Variants in KATNAL2 observed in about 807,000 individuals in gnomAD.
KATNAL2 encodes katanin catalytic subunit A1 like 2, also known as katanin p60 ATPase-containing subunit A-like 2.
A neutral mutation model predicts 76.3 loss-of-function variants in KATNAL2; 52 were observed. The observed-to-expected ratio is 0.68, with a 90% CI of 0.55 to 0.86. KATNAL2 has a LOEUF of 0.86. Among genes scored for constraint, KATNAL2 ranks in the 40% least tolerant of loss-of-function variants. The pLI is 0.00. For missense variants in KATNAL2, 660 were observed against 668.9 expected, an observed-to-expected ratio of 0.99 and a Z score of 0.15; for synonymous variants, 243 against 244.2, an observed-to-expected ratio of 1.00 and a Z score of 0.05.
chr18:46,953,859 C>G (rs2059641868), intron 3 of KATNAL2, among the ~76,000 whole-genome samples: 1 of 152,124 alleles, frequency 6.6e-6, no homozygotes, highest in Non-Finnish European at 1.5e-5. Flanking sequence ...GTAGGATAAT[C>G]AGGTACCAGG....
chr18:47,099,355 A>G lies in KATNAL2; in HGVS notation c.1324A>G (p.Ser442Gly). The change falls in exon 16 of 18, where the codon AGC becomes GGC. Residue 442 changes from serine (S) to glycine (G), a missense_variant. Physicochemically the swap from Ser to Gly is moderately conservative, Grantham distance 56 (BLOSUM62 0). Coordinates refer to ENST00000683218, the MANE Select transcript of KATNAL2 (RefSeq NM_001387690.1). ...CCACTGGCTGCCTCCTGTGAGCAAG[A>G]GCAGGGCCTTGGAGCTGCACACAGA... Reference protein sequence around the residue: ...IYHWLPPVSKSRALELHTELE... With the variant: ...IYHWLPPVSKGRALELHTELE... 1 of 1,614,102 alleles carries G rather than the reference A, an allele frequency of 6.2e-7. No homozygotes were observed. Among genetic ancestry groups the G allele is most frequent in the Non-Finnish European group, 8.5e-7 (1 of 1,179,962 alleles).
rs1255686354 is a variant in KATNAL2 at position 46,962,319 on chromosome 18, C to A, written c.51+15396C>A. On this transcript the variant is annotated intron_variant, in intron 3 of 17. Transcript: ENST00000683218. ...CCGGCCTTTTCCCTAAAAGAAAACA[C>A]CAACAGCAACAAAACATTTTGCGTA... Among the ~76,000 whole-genome samples, 3 of 121,360 alleles carry A rather than the reference C, an allele frequency of 2.5e-5. No homozygotes were observed. In the Admixed American group the frequency reaches 2.5e-4, roughly 10 times the overall value. The allele number at this position is 121,360 out of a possible 152,430, so 79.6% of individuals were successfully genotyped here.
At chr18:46,968,811 TGCC>T in intron 3 of KATNAL2, 1 of 401,922 alleles carries the variant, frequency 2.5e-6, no homozygotes, top group Non-Finnish European at 4.1e-6. Flanking sequence ...CGGTTGCTGC[TGCC>T]GCCGCCGCTC....
chr18:47,066,847 TTATATATATATATATATATATATATATA>T (rs56018747), intron 10 of KATNAL2, among the ~76,000 whole-genome samples, 146 bp from the exon 11 acceptor site: 10 of 29,596 alleles, frequency 3.4e-4, no homozygotes, highest in Non-Finnish European at 3.9e-4. Flanking sequence ...ATATATGTGT[TTATATATATATATATATATATATATATA>T]TATATATATA....
chr18:46,958,829 G>A (rs1399088495), intron 3 of KATNAL2, among the ~76,000 whole-genome samples: 1 of 152,080 alleles, frequency 6.6e-6, no homozygotes, highest in Non-Finnish European at 1.5e-5. Context: ...AATGGTTTTT[G>A]GAAAACTGGA....
Position 46,943,378 on chromosome 18 carries a change from A to G in KATNAL2, c.-509-2679A>G, listed in dbSNP as rs146955472. On this transcript the variant is annotated intron_variant, in intron 1 of 17. Coordinates refer to ENST00000683218, the MANE Select transcript of KATNAL2 (RefSeq NM_001387690.1). ...GGCATTCTAAGTCACAGGATGAGAT[A>G]GGAGGTCAGCACAAGATACAGAACA... Among the ~76,000 whole-genome samples the G allele has an allele frequency of 9.0e-3, 1,366 of 152,322 alleles. 12 individuals carry two copies. The highest frequency in any genetic ancestry group is 0.013 in the Non-Finnish European group (884 of 68,012).
intron 3 of KATNAL2, among the ~76,000 whole-genome samples, chr18:46,948,723 C>T (rs901186212): frequency 2.8e-4 from 43 of 151,872 alleles, no homozygotes; most frequent in African/African-American, 1.0e-3. Context: ...CCACCATGCT[C>T]GGCCAAACTT....
chr18:46,939,349 A>G lies in KATNAL2; in HGVS notation c.-509-6708A>G, dbSNP rs948215418. On this transcript the variant is annotated intron_variant, in intron 1 of 17. Coordinates refer to ENST00000683218, the MANE Select transcript of KATNAL2 (RefSeq NM_001387690.1). ...CTGCATCTCACAATTAAAAAAAAAA[A>G]AAAGAAAAGAAAAGAATGATTTATT... Among the ~76,000 whole-genome samples, 10 of 152,112 alleles carry G rather than the reference A, an allele frequency of 6.6e-5. No homozygotes were observed. The East Asian group carries it at 9.7e-4, about 15-fold the overall frequency.
At chr18:47,066,847 T>TTTATATATA (rs1319765780) in intron 10 of KATNAL2, among the ~76,000 whole-genome samples, 174 bp from the exon 11 acceptor site, 25 of 29,564 alleles carry the variant, frequency 8.5e-4, no homozygotes, top group East Asian at 1.4e-3. Context: ...ATATATGTGT[T>TTTATATATA]TATATATATA....
chr18:46,932,673 CAAA>C (rs1162695359), intron 1 of KATNAL2, among the ~76,000 whole-genome samples: 3 of 42,852 alleles, frequency 7.0e-5, no homozygotes, highest in South Asian at 1.3e-3. Flanking sequence ...GACTCTGTCT[CAAA>C]AAAAAAAAAA....
intron 3 of KATNAL2, among the ~76,000 whole-genome samples, chr18:46,953,736 G>A (rs2059637356): frequency 6.7e-6 from 1 of 149,094 alleles, no homozygotes; most frequent in South Asian, 2.2e-4. Context: ...CAACCTAGGC[G>A]ACACATGGAG....
Position 47,066,847 on chromosome 18 carries a change from TTATATATATATATATATA to T in KATNAL2, c.727-145_727-128del, listed in dbSNP as rs56018747. The stretch of plus-strand genomic sequence containing the variant: ...CCAAAATTACAATGTATATATGTGT[TTATATATATATATATATA>T]TATATATATATATATATATATATAT... On this transcript the variant is annotated intron_variant, in intron 10 of 17. Transcript: ENST00000683218. Among the ~76,000 whole-genome samples, 146 of 29,598 alleles carry T rather than the reference TTATATATATATATATATA, an allele frequency of 4.9e-3. 1 individual carries two copies. In the East Asian group the frequency reaches 0.1, roughly 21 times the overall value. The allele number at this position is 29,598 out of a possible 152,430, so 19.4% of individuals were successfully genotyped here.
chr18:46,925,794 C>A (rs553400049), intron 1 of KATNAL2, among the ~76,000 whole-genome samples: 1 of 152,254 alleles, frequency 6.6e-6, no homozygotes, highest in Non-Finnish European at 1.5e-5. Flanking sequence ...GATTCAACTT[C>A]TTCCTGGTTT....
chr18:47,067,884 A>C (rs2061862948), intron 11 of KATNAL2, among the ~76,000 whole-genome samples: 1 of 152,138 alleles, frequency 6.6e-6, no homozygotes, highest in South Asian at 2.1e-4. Flanking sequence ...CACAGGTCTG[A>C]GCCATCAGCC....
rs572851459 is a variant in KATNAL2 at position 47,059,679 on chromosome 18, A to G, written c.549+25A>G. ...AGTAAGTGAAACTCATGAACCTAAC[A>G]CTGAAAGTGGTAATTTCTTTTTCCT... On this transcript the variant is annotated intron_variant, in intron 8 of 17. Coordinates refer to ENST00000683218, the MANE Select transcript of KATNAL2 (RefSeq NM_001387690.1). 1,509 of 1,409,364 alleles carry G rather than the reference A, an allele frequency of 1.1e-3. 26 individuals are homozygous for G. The South Asian group carries it at 0.017, about 15-fold the overall frequency. 87.3% of individuals were successfully genotyped at this position (1,409,364 alleles called of 1,614,324 possible).
chr18:46,922,090 A>AT (rs2058577933), intron 1 of KATNAL2, among the ~76,000 whole-genome samples: 1 of 150,270 alleles, frequency 6.7e-6, no homozygotes. Flanking sequence ...TTAAAAAAAA[A>AT]TTTTTCCTCA....
chr18:46,926,286 G>C (rs2058727423), intron 1 of KATNAL2, among the ~76,000 whole-genome samples: 1 of 151,494 alleles, frequency 6.6e-6, no homozygotes. Context: ...TATGTTGTGT[G>C]TTTTTTCTCG....
At chr18:47,033,876 C>A in intron 3 of KATNAL2, 6 of 1,613,858 alleles carry the variant, frequency 3.7e-6, no homozygotes, top group Non-Finnish European at 5.1e-6. Context: ...CTGAGAGGTC[C>A]CAGAGCTCTG....
intron 8 of KATNAL2, among the ~76,000 whole-genome samples, chr18:47,061,485 A>G (rs1312748698): frequency 6.6e-6 from 1 of 152,106 alleles, no homozygotes; most frequent in Admixed American, 6.6e-5. Flanking sequence ...CTCCCCAATG[A>G]CCCAAACACC....
Sources: gnomAD v4.1 joint callset for allele counts (sites outside exome capture counted in the v4.1 genomes callset) on GRCh38, gnomAD v4.1.1 for gene constraint, MANE v1.5 for transcripts, NCBI Gene and HGNC (gene_info 2026-07-23, HGNC 2026-07-21) for gene names.